DNAH14: variants seen among roughly 807,000 people sequenced by gnomAD.
DNAH14 encodes dynein axonemal heavy chain 14, also known as axonemal beta dynein heavy chain 14.
Under a neutral mutation model 520.9 loss-of-function variants are expected in DNAH14, and 478 were observed. The ratio of observed to expected loss-of-function variants is 0.92; its 90% CI spans 0.85 to 0.99. DNAH14 has a LOEUF of 0.99. Ranked by LOEUF, DNAH14 falls within the 50% of genes least tolerant of loss-of-function variation. The probability of loss-of-function intolerance (pLI) is 0.00; values close to 1 mark genes in which losing one functional copy is unlikely to be tolerated. For synonymous variants in DNAH14, 1,581 were observed against 1,757.2 expected (o/e 0.90, Z 2.51); for missense variants, 4,831 against 5,234.5 (o/e 0.92, Z 2.38).
chr1:224,960,221 G>A lies in DNAH14; in HGVS notation c.286G>A (p.Gly96Arg), dbSNP rs1254121133. 3 of 1,611,584 alleles carry A rather than the reference G, an allele frequency of 1.9e-6. No individual in the cohort carries two copies. Among genetic ancestry groups the A allele is most frequent in the Non-Finnish European group, 2.5e-6 (3 of 1,178,830 alleles). Residue 96 changes from glycine (G) to arginine (R), a missense_variant, in exon 4 of 86, where the codon GGG becomes AGG. By Grantham distance (125) the Gly-to-Arg change is moderately radical. Coordinates refer to ENST00000682510, the MANE Select transcript of DNAH14 (RefSeq NM_001367479.1). ...SPEPASLKEKGKSRRKKDQTH... is the reference protein window; with the variant it reads ...SPEPASLKEKRKSRRKKDQTH... ...AGAGCCAGCTTCCCTTAAGGAGAAA[G>A]GGAAGTCAAGGAGAAAAAAGGATCA...
At chr1:225,335,322 CAT>C (rs1176818458) in intron 66 of DNAH14, among the ~76,000 whole-genome samples, 2 of 112,566 alleles carry the variant, frequency 1.8e-5, no homozygotes, top group Admixed American at 9.1e-5. Flanking sequence ...TGTATATGCA[CAT>C]ATACACGTGT....
intron 8 of DNAH14, among the ~76,000 whole-genome samples, chr1:224,981,521 G>A (rs2062266586): frequency 6.6e-6 from 1 of 152,022 alleles, no homozygotes; most frequent in African/African-American, 2.4e-5. Context: ...TAGAAGGGTT[G>A]TATTTTTCCA....
intron 21 of DNAH14, among the ~76,000 whole-genome samples, chr1:225,091,067 TTAAAA>T (rs143101513): frequency 0.059 from 8,927 of 152,108 alleles, 348 homozygotes; most frequent in Non-Finnish European, 0.078. Context: ...GGGCAAAATA[TTAAAA>T]TAGAGACTTT....
intron 17 of DNAH14, among the ~76,000 whole-genome samples, chr1:225,073,332 C>T (rs2071785055): frequency 6.6e-6 from 1 of 152,184 alleles, no homozygotes; most frequent in Non-Finnish European, 1.5e-5. Context: ...TGGCAGCCTG[C>T]CCCTCCCTCT....
chr1:225,172,790 C>T (rs549831260), intron 36 of DNAH14, among the ~76,000 whole-genome samples: 5 of 152,210 alleles, frequency 3.3e-5, no homozygotes, highest in African/African-American at 9.6e-5. Flanking sequence ...AAAAAGAGCC[C>T]GCATTGCCAA....
chr1:225,294,103 G>A (rs145791150), intron 55 of DNAH14, among the ~76,000 whole-genome samples: 1,583 of 152,134 alleles, frequency 0.01, 16 homozygotes, highest in African/African-American at 0.036. Flanking sequence ...ATTGTGTTGA[G>A]GTACTTTCCT....
intron 64 of DNAH14, among the ~76,000 whole-genome samples, chr1:225,327,160 C>CT (rs10712547): frequency 4.5e-4 from 65 of 144,052 alleles, no homozygotes; most frequent in South Asian, 8.9e-4. Flanking sequence ...AAATTAGTAA[C>CT]TTTTTTTTTT....
chr1:225,366,956 TAC>T (rs148076035), intron 76 of DNAH14, among the ~76,000 whole-genome samples: 5,334 of 151,944 alleles, frequency 0.035, 107 homozygotes, highest in Non-Finnish European at 0.042. Flanking sequence ...AATCCCACTA[TAC>T]ACACACAGGA....
At chr1:225,387,241 T>TG (rs1023567756) in intron 81 of DNAH14, among the ~76,000 whole-genome samples, 2 of 142,094 alleles carry the variant, frequency 1.4e-5, no homozygotes, top group East Asian at 4.2e-4. Context: ...CTGTCATGTG[T>TG]GGGGGGGAGG....
intron 43 of DNAH14, among the ~76,000 whole-genome samples, chr1:225,250,207 G>A (rs1374855761): frequency 6.6e-6 from 1 of 152,104 alleles, no homozygotes; most frequent in East Asian, 1.9e-4. Flanking sequence ...AATATATTAG[G>A]GTTCTTGTTC....
Position 225,165,724 on chromosome 1 carries a change from C to T in DNAH14, c.5446-2215C>T, listed in dbSNP as rs147631908. On this transcript the variant is annotated intron_variant, in intron 35 of 85. Transcript: ENST00000682510. ...TCAGTCCCCCAAGTAGCTAGGACTA[C>T]AGGCACCCACCACCATTCCCAGCTA... Among the ~76,000 whole-genome samples, 9 of 151,980 alleles carry T rather than the reference C, an allele frequency of 5.9e-5. No individual in the cohort carries two copies. The East Asian group carries it at 1.5e-3, about 26-fold the overall frequency.
intron 81 of DNAH14, among the ~76,000 whole-genome samples, 174 bp from the exon 82 acceptor site, chr1:225,388,205 C>A (rs1558604729): frequency 1.3e-5 from 2 of 152,128 alleles, no homozygotes; most frequent in Non-Finnish European, 2.9e-5. Context: ...TGTTGTTTTG[C>A]CCTGGTAATA....
At chr1:225,040,129 C>T (rs999424190) in intron 12 of DNAH14, among the ~76,000 whole-genome samples, 7 of 151,526 alleles carry the variant, frequency 4.6e-5, no homozygotes, top group Non-Finnish European at 8.8e-5. Flanking sequence ...TTAGTAGAGA[C>T]GGGGTTTCAC....
At position 225,379,212 on chromosome 1, in the gene DNAH14, G is replaced by A. The variant is rs115230535; in HGVS notation, c.12717-947G>A. The stretch of plus-strand genomic sequence containing the variant: ...GAATGTTCCATGCGGCTGCTTCAGC[G>A]TGCTCTGTTTAGTTGCCTCCTCTTT... On this transcript the variant is annotated intron_variant, in intron 79 of 85. Transcript: ENST00000682510. Among the ~76,000 whole-genome samples the A allele has an allele frequency of 2.6e-3, 391 of 152,326 alleles. 1 individual carries two copies. The highest frequency in any genetic ancestry group is 9.1e-3 in the African/African-American group (377 of 41,562).
At chr1:225,382,900 T>A (rs987138061) in intron 81 of DNAH14, among the ~76,000 whole-genome samples, 6 of 152,194 alleles carry the variant, frequency 3.9e-5, no homozygotes, top group Non-Finnish European at 7.3e-5. Context: ...GGCTATCACA[T>A]GGATAAACCT....
intron 17 of DNAH14, among the ~76,000 whole-genome samples, chr1:225,061,382 G>A (rs1024942541): frequency 1.3e-5 from 2 of 152,214 alleles, no homozygotes; most frequent in Non-Finnish European, 2.9e-5. Flanking sequence ...ATTAGGGTGG[G>A]AGTGACCCGA....
intron 42 of DNAH14, among the ~76,000 whole-genome samples, chr1:225,237,309 T>C (rs1015108243): frequency 2.6e-5 from 4 of 152,204 alleles, no homozygotes; most frequent in Non-Finnish European, 5.9e-5. Context: ...AAGGCAGGCC[T>C]GCTGGTGATG....
intron 66 of DNAH14, among the ~76,000 whole-genome samples, chr1:225,334,527 T>C (rs1420059129): frequency 6.6e-6 from 1 of 152,134 alleles, no homozygotes; most frequent in Non-Finnish European, 1.5e-5. Flanking sequence ...CTTGCTTTGT[T>C]ACACGAAGGA....
intron 18 of DNAH14, among the ~76,000 whole-genome samples, chr1:225,079,850 T>G (rs575028410): frequency 6.6e-6 from 1 of 151,832 alleles, no homozygotes; most frequent in Non-Finnish European, 1.5e-5. Context: ...ATTTTTTGTA[T>G]TTTTAGTAGA....
Sources: gnomAD v4.1 joint callset for allele counts (sites outside exome capture counted in the v4.1 genomes callset) on GRCh38, gnomAD v4.1.1 for gene constraint, MANE v1.5 for transcripts, NCBI Gene and HGNC (gene_info 2026-07-23, HGNC 2026-07-21) for gene names.